LINC00305: variants seen among roughly 807,000 people sequenced by gnomAD.
The protein encoded by LINC00305 is long independently transcribed non-coding RNA 305.
chr18:64,118,357 G>C (rs1268010754), intron 1 of LINC00305, among the ~76,000 whole-genome samples: 1 of 152,122 alleles, frequency 6.6e-6, no homozygotes, highest in East Asian at 1.9e-4. Context: ...CTTGCTTGAG[G>C]TAGTACCTAC....
At chr18:64,114,263 C>A (rs148370474) in intron 1 of LINC00305, among the ~76,000 whole-genome samples, 2 of 152,144 alleles carry the variant, frequency 1.3e-5, no homozygotes, top group South Asian at 2.1e-4. Context: ...GAAAATTTAA[C>A]GTTCAGGGTT....
chr18:64,092,768 G>T (rs1332877409), intron 3 of LINC00305, among the ~76,000 whole-genome samples: 2 of 152,156 alleles, frequency 1.3e-5, no homozygotes, highest in African/African-American at 4.8e-5. Context: ...CCGAGAGCAA[G>T]ACTTGTTCTC....
chr18:64,089,067 A>G (rs938996419), intron 3 of LINC00305, among the ~76,000 whole-genome samples: 2 of 152,180 alleles, frequency 1.3e-5, no homozygotes, highest in African/African-American at 4.8e-5. Context: ...AGGTAATTCC[A>G]GAGATAGAGA....
At chr18:64,132,454 G>A (rs1351973992) in intron 1 of LINC00305, among the ~76,000 whole-genome samples, 2 of 152,088 alleles carry the variant, frequency 1.3e-5, no homozygotes, top group Non-Finnish European at 2.9e-5. Context: ...TGTTTCAAGC[G>A]CTCTGCCGAA....
chr18:64,123,700 G>T (rs534360985), intron 1 of LINC00305, among the ~76,000 whole-genome samples: 158 of 152,076 alleles, frequency 1.0e-3, no homozygotes, highest in African/African-American at 3.7e-3. Context: ...CTATGATTTG[G>T]ATGTTTGTCC....
At chr18:64,137,164 G>A (rs2051438760) in intron 1 of LINC00305, among the ~76,000 whole-genome samples, 1 of 152,184 alleles carries the variant, frequency 6.6e-6, no homozygotes, top group Non-Finnish European at 1.5e-5. Context: ...AGAGCACCAT[G>A]TGATGCTGAG....
At chr18:64,084,416 CTG>C (rs1275863562) in intron 3 of LINC00305, among the ~76,000 whole-genome samples, 12 of 151,998 alleles carry the variant, frequency 7.9e-5, no homozygotes, top group Admixed American at 2.6e-4. Flanking sequence ...AAATGTTACC[CTG>C]GTAACAATAC....
intron 3 of LINC00305, among the ~76,000 whole-genome samples, chr18:64,087,600 C>T (rs2051208151): frequency 6.6e-6 from 1 of 151,924 alleles, no homozygotes; most frequent in Non-Finnish European, 1.5e-5. Context: ...ACCTAGATTC[C>T]TCAAAGAAAT....
chr18:64,145,243 A>G (rs1487248248), intron 1 of LINC00305, among the ~76,000 whole-genome samples: 1 of 152,178 alleles, frequency 6.6e-6, no homozygotes, highest in Non-Finnish European at 1.5e-5. Context: ...TCTTATCTCT[A>G]TATACTGTAC....
At chr18:64,141,367 A>G (rs2144278872) in intron 1 of LINC00305, among the ~76,000 whole-genome samples, 1 of 152,336 alleles carries the variant, frequency 6.6e-6, no homozygotes, top group Middle Eastern at 3.4e-3. Flanking sequence ...GTAAGGGTGT[A>G]TGTACATAAG....
At chr18:64,125,279 G>C (rs1039571352) in intron 1 of LINC00305, among the ~76,000 whole-genome samples, 1 of 151,950 alleles carries the variant, frequency 6.6e-6, no homozygotes, top group Non-Finnish European at 1.5e-5. Context: ...CAGTGACTCA[G>C]TGATTCCCTG....
At chr18:64,107,359 G>A (rs1314841011) in intron 1 of LINC00305, among the ~76,000 whole-genome samples, 1 of 152,204 alleles carries the variant, frequency 6.6e-6, no homozygotes, top group Non-Finnish European at 1.5e-5. Context: ...GGGGAGGACT[G>A]TGACCTATGA....
At chr18:64,122,737 T>G (rs1426771286) in intron 1 of LINC00305, among the ~76,000 whole-genome samples, 1 of 152,126 alleles carries the variant, frequency 6.6e-6, no homozygotes, top group African/African-American at 2.4e-5. Context: ...GTTGGTATTT[T>G]GATAGAGATT....
chr18:64,104,366 C>A (rs554878372), intron 1 of LINC00305: 1 of 152,186 alleles, frequency 6.6e-6, no homozygotes, highest in Non-Finnish European at 1.5e-5. Context: ...TTGTATATTA[C>A]AGAGGAAGGC....
At chr18:64,090,577 A>G (rs185002390) in intron 3 of LINC00305, among the ~76,000 whole-genome samples, 2 of 152,346 alleles carry the variant, frequency 1.3e-5, no homozygotes, top group African/African-American at 4.8e-5. Flanking sequence ...GCCACTAGCG[A>G]TCACTTGCAG....
chr18:64,093,956 A>T (rs182226810), intron 3 of LINC00305, among the ~76,000 whole-genome samples: 1 of 152,310 alleles, frequency 6.6e-6, no homozygotes, highest in Admixed American at 6.5e-5. Context: ...AATATGAGAA[A>T]TAGAAAAGTA....
At chr18:64,081,465 G>A (rs908816706) in intron 3 of LINC00305, among the ~76,000 whole-genome samples, 1 of 152,184 alleles carries the variant, frequency 6.6e-6, no homozygotes, top group African/African-American at 2.4e-5. Context: ...CTCATAAGAT[G>A]TAGCTATTTG....
At chr18:64,085,395 C>T (rs1390787735) in intron 3 of LINC00305, among the ~76,000 whole-genome samples, 1 of 152,006 alleles carries the variant, frequency 6.6e-6, no homozygotes, top group Non-Finnish European at 1.5e-5. Flanking sequence ...TCCCACTTCC[C>T]TTTGGATCTC....
At chr18:64,080,498 TA>T (rs1750715354) in intron 3 of LINC00305, 1 of 229,742 alleles carries the variant, frequency 4.4e-6, no homozygotes, top group African/African-American at 2.3e-5. Flanking sequence ...ATTTAGAATT[TA>T]AATTTTAGAA....
Sources: gnomAD v4.1 joint callset for allele counts (sites outside exome capture counted in the v4.1 genomes callset) on GRCh38, gnomAD v4.1.1 for gene constraint, MANE v1.5 for transcripts, NCBI Gene and HGNC (gene_info 2026-07-23, HGNC 2026-07-21) for gene names.